SCNN1B: variants seen among roughly 807,000 people sequenced by gnomAD.
SCNN1B encodes the protein sodium channel epithelial 1 subunit beta.
SCNN1B carries 46 observed loss-of-function variants against 65.3 expected under a neutral mutation model. The ratio of observed to expected loss-of-function variants is 0.70; its 90% CI spans 0.56 to 0.90. The LOEUF is 0.90. SCNN1B is among the 40% of genes least tolerant of loss of function. The probability of loss-of-function intolerance (pLI) is 0.00; values close to 1 mark genes in which losing one functional copy is unlikely to be tolerated. For synonymous variants in SCNN1B, 349 were observed against 330.6 expected, an observed-to-expected ratio of 1.06 and a Z score of -0.60; for missense variants, 751 against 830.5, an observed-to-expected ratio of 0.90 and a Z score of 1.18.
exon 2 of SCNN1B, chr16:23,283,768 T>A (rs2141967455): frequency 6.6e-6 from 1 of 152,276 alleles, no homozygotes; most frequent in Non-Finnish European, 1.5e-5. Context: ...GGTGAAGCAA[T>A]CCTGGACTCA....
chr16:23,380,036 G>C lies in SCNN1B; in HGVS notation c.1467-58G>C, dbSNP rs1377116276. Reference sequence around the variant, plus strand: ...CATGTGTCTATGTGCGTGTGTGTGTGTCTGTCTGTTTGGAAGGGGGATACA... The same window carrying C: ...CATGTGTCTATGTGCGTGTGTGTGTCTCTGTCTGTTTGGAAGGGGGATACA... On this transcript the variant is annotated intron_variant, in intron 11 of 12. Coordinates refer to ENST00000343070, the MANE Select transcript of SCNN1B (RefSeq NM_000336.3). This position sits in a 1 kb window ranked among gnomAD's most constrained non-coding sequence, Gnocchi z 5.4. The C allele has an allele frequency of 3.2e-6, 4 of 1,266,372 alleles. No homozygotes were observed. The South Asian group carries it at 4.8e-5, about 15-fold the overall frequency. The allele number at this position is 1,266,372 out of a possible 1,614,324, so 78.4% of individuals were successfully genotyped here. A position where few individuals can be genotyped will look rare whatever the true frequency, so the allele number is the denominator to read the frequency against.
chr16:23,345,673 C>T (rs2142013598), intron 1 of SCNN1B, among the ~76,000 whole-genome samples: 1 of 152,324 alleles, frequency 6.6e-6, no homozygotes, highest in African/African-American at 2.4e-5. Context: ...ACATGCACAT[C>T]TCCCAGAGCT....
chr16:23,340,248 TC>T (rs1158061593), intron 1 of SCNN1B, among the ~76,000 whole-genome samples: 2 of 152,218 alleles, frequency 1.3e-5, no homozygotes, highest in Non-Finnish European at 2.9e-5. Flanking sequence ...GAGCTTGCTC[TC>T]TCATTTTCTC....
At chr16:23,336,728 T>C (rs1228026836) in intron 1 of SCNN1B, among the ~76,000 whole-genome samples, 1 of 152,166 alleles carries the variant, frequency 6.6e-6, no homozygotes, top group East Asian at 1.9e-4. Context: ...GTTAAGAAAG[T>C]ATGTTCATGT....
chr16:23,355,572 G>A, intron 4 of SCNN1B, 83 bp downstream of exon 4: 1 of 1,426,002 alleles, frequency 7.0e-7, no homozygotes, highest in Admixed American at 1.7e-5. Flanking sequence ...CAGCCTGCCA[G>A]GGTTCCAATC....
At chr16:23,325,922 T>TAAATAA (rs59140961) in intron 1 of SCNN1B, among the ~76,000 whole-genome samples, 25,791 of 147,558 alleles carry the variant, frequency 0.17, 3,089 homozygotes, top group African/African-American at 0.33. Flanking sequence ...AATAAATAAA[T>TAAATAA]ATAAATAAAA....
At chr16:23,294,083 G>A (rs1309566056) in intron 2 of SCNN1B, among the ~76,000 whole-genome samples, 1 of 152,114 alleles carries the variant, frequency 6.6e-6, no homozygotes, top group Admixed American at 6.5e-5. Context: ...GTCCTGGCCA[G>A]ATGTGGTGGA....
At chr16:23,369,460 GT>G (rs1962738434) in intron 5 of SCNN1B, among the ~76,000 whole-genome samples, 1 of 152,150 alleles carries the variant, frequency 6.6e-6, no homozygotes, top group Non-Finnish European at 1.5e-5. Flanking sequence ...GTGGGGCATG[GT>G]GGATGACGGA....
intron 4 of SCNN1B, among the ~76,000 whole-genome samples, chr16:23,362,149 G>A (rs556393945): frequency 7.2e-5 from 11 of 151,920 alleles, no homozygotes; most frequent in East Asian, 3.9e-4. Flanking sequence ...GTTTGACACC[G>A]GTCTGGCCAA....
chr16:23,365,587 G>GAAAGAAAGAAATAA (rs373917735), intron 4 of SCNN1B, among the ~76,000 whole-genome samples: 1 of 86,956 alleles, frequency 1.2e-5, no homozygotes, highest in African/African-American at 6.2e-5. Flanking sequence ...AAGAAAGAAA[G>GAAAGAAAGAAATAA]AGAAAGAAAG....
upstream of SCNN1B, among the ~76,000 whole-genome samples, chr16:23,299,821 C>T (rs1402967826): frequency 6.6e-6 from 1 of 152,186 alleles, no homozygotes; most frequent in Non-Finnish European, 1.5e-5. Flanking sequence ...TACCATTTGA[C>T]TCAGCAGTCC....
At chr16:23,357,837 C>T (rs915594609) in intron 4 of SCNN1B, among the ~76,000 whole-genome samples, 1 of 152,192 alleles carries the variant, frequency 6.6e-6, no homozygotes, top group Non-Finnish European at 1.5e-5. Context: ...GGGTCCTTTG[C>T]TCAGGGCACA....
intron 4 of SCNN1B, among the ~76,000 whole-genome samples, chr16:23,360,077 C>A (rs1357487778): frequency 1.3e-5 from 2 of 151,882 alleles, no homozygotes; most frequent in Non-Finnish European, 2.9e-5. Context: ...GTGGCTCACG[C>A]CTATAATCCC....
intron 1 of SCNN1B, chr16:23,323,588 T>C (rs1451116824): frequency 1.4e-6 from 1 of 702,970 alleles, no homozygotes. Context: ...GGTGAGTAAA[T>C]TCCACAAGGT....
At chr16:23,308,750 A>G (rs1445215150) in intron 1 of SCNN1B, among the ~76,000 whole-genome samples, 1 of 152,168 alleles carries the variant, frequency 6.6e-6, no homozygotes, top group Non-Finnish European at 1.5e-5. Context: ...CTCCTGCCTC[A>G]GCTTCCCAAG....
rs200470690 is a variant in SCNN1B at position 23,365,587 on chromosome 16, G to A, written c.777-2269G>A. Among the ~76,000 whole-genome samples the A allele has an allele frequency of 1.8e-3, 153 of 86,976 alleles. 1 individual carries two copies. The highest frequency in any genetic ancestry group is 2.4e-3 in the Admixed American group (22 of 9,088). 57.1% of individuals were successfully genotyped at this position (86,976 alleles called of 152,430 possible). A position where few individuals can be genotyped will look rare whatever the true frequency, so the allele number is the denominator to read the frequency against. On this transcript the variant is annotated intron_variant, in intron 4 of 12. Coordinates refer to ENST00000343070, the MANE Select transcript of SCNN1B (RefSeq NM_000336.3). ...AGAAAGAAAGAAAGAAAGAAAGAAA[G>A]AGAAAGAAAGAAAGAAAGAAAGAAA...
chr16:23,360,910 T>C (rs1962540149), intron 4 of SCNN1B, among the ~76,000 whole-genome samples: 1 of 152,140 alleles, frequency 6.6e-6, no homozygotes, highest in Non-Finnish European at 1.5e-5. Flanking sequence ...TTCTCCTGCC[T>C]CAGCCTCCCG....
intron 2 of SCNN1B, among the ~76,000 whole-genome samples, chr16:23,292,931 A>T (rs895530156): frequency 6.6e-5 from 10 of 151,406 alleles, no homozygotes; most frequent in Non-Finnish European, 1.2e-4. Context: ...CCCAGCTAAC[A>T]CGGTGAAACC....
intron 4 of SCNN1B, among the ~76,000 whole-genome samples, chr16:23,357,576 C>T (rs1962446427): frequency 6.6e-6 from 1 of 152,144 alleles, no homozygotes; most frequent in South Asian, 2.1e-4. Flanking sequence ...GAGTGAGACT[C>T]TGTATTAAAA....
Sources: gnomAD v4.1 joint callset for allele counts (sites outside exome capture counted in the v4.1 genomes callset) on GRCh38, gnomAD v4.1.1 for gene constraint, Gnocchi (gnomAD v3.1) non-coding constraint, MANE v1.5 for transcripts, NCBI Gene and HGNC (gene_info 2026-07-23, HGNC 2026-07-21) for gene names.